Variants in NUP93 observed in about 807,000 individuals in gnomAD.
The protein encoded by NUP93 is nuclear pore complex protein Nup93.
In NUP93, 55 loss-of-function variants were observed where a neutral mutation model predicts 107.8. The ratio of observed to expected loss-of-function variants is 0.51; its 90% CI spans 0.41 to 0.64. The LOEUF (loss-of-function observed/expected upper bound fraction) is 0.64, where lower values mean the gene tolerates loss of function less well. Ranked by LOEUF, NUP93 falls within the 30% of genes least tolerant of loss-of-function variation. The pLI is 0.00. For missense variants in NUP93, 937 were observed against 1,044.7 expected, an observed-to-expected ratio of 0.90 and a Z score of 1.42; for synonymous variants, 390 against 397.5, an observed-to-expected ratio of 0.98 and a Z score of 0.22.
chr16:56,760,222 C>T (rs1178077319), intron 3 of NUP93, among the ~76,000 whole-genome samples: 1 of 152,144 alleles, frequency 6.6e-6, no homozygotes, highest in Non-Finnish European at 1.5e-5. Flanking sequence ...GTTAAGGATG[C>T]TTCATTTCAA....
intron 8 of NUP93, among the ~76,000 whole-genome samples, chr16:56,827,037 T>G (rs1166548920): frequency 4.9e-5 from 1 of 20,390 alleles, no homozygotes; most frequent in Non-Finnish European, 8.5e-5. Flanking sequence ...GGAATGAGAC[T>G]CCGTCTCAAA....
At chr16:56,824,141 C>T (rs1404447136) in intron 8 of NUP93, among the ~76,000 whole-genome samples, 1 of 152,138 alleles carries the variant, frequency 6.6e-6, no homozygotes, top group African/African-American at 2.4e-5. Flanking sequence ...GGCCGTAGTG[C>T]CTTAGGTCAT....
rs185569143 is a variant in NUP93, at chr16:56,759,713, C to T, written c.297+1058C>T. Reference sequence around the variant, plus strand: ...ACTTTTTTTTTTAAGTTTTAGCCCCCCTCCCCCGTACAACTGCTTGAGGCT... The same window carrying T: ...ACTTTTTTTTTTAAGTTTTAGCCCCTCTCCCCCGTACAACTGCTTGAGGCT... On this transcript the variant is annotated intron_variant, in intron 3 of 21. Coordinates refer to ENST00000308159, the MANE Select transcript of NUP93 (RefSeq NM_014669.5). Among the ~76,000 whole-genome samples, 214 of 151,904 alleles carry T rather than the reference C, an allele frequency of 1.4e-3. 1 individual carries two copies. Among genetic ancestry groups the T allele is most frequent in the East Asian group, 6.4e-3 (33 of 5,166 alleles).
chr16:56,835,924 C>T (rs1019966315), intron 16 of NUP93, among the ~76,000 whole-genome samples: 1 of 151,946 alleles, frequency 6.6e-6, no homozygotes, highest in Non-Finnish European at 1.5e-5. Flanking sequence ...GTCAGGAGAT[C>T]GAGACCATCC....
chr16:56,838,253 T>C (rs1473882185), intron 18 of NUP93, among the ~76,000 whole-genome samples: 2 of 152,224 alleles, frequency 1.3e-5, no homozygotes, highest in South Asian at 2.1e-4. Flanking sequence ...CAGAGAAAAC[T>C]GGGTTTGGGG....
chr16:56,768,881 A>AAAT (rs200218520), intron 3 of NUP93, among the ~76,000 whole-genome samples: 1 of 150,892 alleles, frequency 6.6e-6, no homozygotes, highest in African/African-American at 2.4e-5. Flanking sequence ...AAAAAAAAAA[A>AAAT]TTGACTTTTG....
intron 5 of NUP93, among the ~76,000 whole-genome samples, chr16:56,811,036 T>A (rs529943610): frequency 2.0e-4 from 30 of 152,230 alleles, no homozygotes; most frequent in Non-Finnish European, 4.1e-4. Context: ...GGTGAACCTT[T>A]TAGTTTCCAG....
chr16:56,837,787 A>G (rs904497365), intron 18 of NUP93, 61 bp downstream of exon 18: 10 of 1,238,740 alleles, frequency 8.1e-6, no homozygotes, highest in South Asian at 3.7e-5. Flanking sequence ...CAGGCCACCT[A>G]TGCCCACCCA....
chr16:56,817,281 C>G (rs1020676745), intron 5 of NUP93, among the ~76,000 whole-genome samples: 11 of 151,762 alleles, frequency 7.2e-5, no homozygotes, highest in African/African-American at 2.7e-4. Flanking sequence ...ATCCTTGACA[C>G]TCCAGTGTTC....
rs577035607 is a variant in NUP93, at chr16:56,738,509, T to C, written c.-15+8298T>C. ...TTTCTTCTGTCTAGGTTAATTTATT[T>C]TAGGTCTTTGTTTTCTCCAGAACTC... is the stretch of plus-strand genomic sequence containing the variant. On this transcript the variant is annotated intron_variant, in intron 1 of 21. Transcript: ENST00000308159. 9.8e-5 allele frequency among the ~76,000 whole-genome samples: 15 copies of C among 152,334 alleles called. No homozygotes were observed. In the East Asian group the frequency reaches 2.9e-3, roughly 29 times the overall value.
intron 5 of NUP93, among the ~76,000 whole-genome samples, chr16:56,805,988 G>T (rs781696943): frequency 6.6e-6 from 1 of 150,750 alleles, no homozygotes; most frequent in Non-Finnish European, 1.5e-5. Flanking sequence ...TCAGATTTAC[G>T]CCTGCAGCCT....
intron 3 of NUP93, among the ~76,000 whole-genome samples, chr16:56,786,024 G>A (rs535633442): frequency 6.6e-6 from 1 of 152,222 alleles, no homozygotes; most frequent in East Asian, 1.9e-4. Context: ...GTGAGGTGAA[G>A]TAGCATTCCT....
chr16:56,785,795 C>T (rs1451107948), intron 3 of NUP93, among the ~76,000 whole-genome samples: 1 of 152,082 alleles, frequency 6.6e-6, no homozygotes, highest in African/African-American at 2.4e-5. Context: ...TTGAGATTTT[C>T]GAAGTAAAGA....
At chr16:56,816,042 G>C (rs1567402831) in intron 5 of NUP93, among the ~76,000 whole-genome samples, 1 of 152,012 alleles carries the variant, frequency 6.6e-6, no homozygotes. Context: ...GTAGCAAAGA[G>C]TACAGAGTGT....
chr16:56,812,395 G>A (rs1963335529), intron 5 of NUP93, among the ~76,000 whole-genome samples: 1 of 152,020 alleles, frequency 6.6e-6, no homozygotes, highest in Non-Finnish European at 1.5e-5. Flanking sequence ...CCAGGCTGGA[G>A]TGCAGTGGCG....
intron 20 of NUP93, 114 bp downstream of exon 20, chr16:56,839,718 C>A: frequency 2.3e-6 from 2 of 852,408 alleles, no homozygotes; most frequent in Non-Finnish European, 3.9e-6. Flanking sequence ...ACTATCCAGA[C>A]TGAGTTTTCC....
At chr16:56,763,482 T>TTGTGTG (rs531810469) in intron 3 of NUP93, among the ~76,000 whole-genome samples, 1 of 150,348 alleles carries the variant, frequency 6.7e-6, no homozygotes, top group African/African-American at 2.4e-5. Context: ...AAGGAACTGC[T>TTGTGTG]TGTGTGTGTG....
At chr16:56,817,863 C>T (rs1963465095) in intron 5 of NUP93, among the ~76,000 whole-genome samples, 2 of 152,144 alleles carry the variant, frequency 1.3e-5, no homozygotes, top group African/African-American at 4.8e-5. Context: ...GTGCATACAA[C>T]GTAGGTGTGG....
chr16:56,793,096 C>T (rs764078321), intron 3 of NUP93, among the ~76,000 whole-genome samples: 1 of 152,148 alleles, frequency 6.6e-6, no homozygotes, highest in Non-Finnish European at 1.5e-5. Flanking sequence ...TTGCCTAGAG[C>T]AGTGTCTGGC....
Sources: gnomAD v4.1 joint callset for allele counts (sites outside exome capture counted in the v4.1 genomes callset) on GRCh38, gnomAD v4.1.1 for gene constraint, MANE v1.5 for transcripts, NCBI Gene and HGNC (gene_info 2026-07-23, HGNC 2026-07-21) for gene names.